The following ASPRV1 variants were observed in gnomAD, a reference collection of about 807,000 sequenced individuals.
ASPRV1 encodes retroviral-like aspartic protease 1.
ASPRV1 carries 7 observed loss-of-function variants against 11.0 expected under a neutral mutation model. The observed-to-expected ratio is 0.64, with a 90% CI of 0.36 to 1.20. The LOEUF (loss-of-function observed/expected upper bound fraction) is 1.20, where lower values mean the gene tolerates loss of function less well. ASPRV1 is among the 50% of genes most tolerant of loss of function. The pLI, the probability that ASPRV1 is intolerant of heterozygous loss-of-function variation, is 0.02. For synonymous variants in ASPRV1, 136 were observed against 138.4 expected (o/e 0.98, Z 0.12); for missense variants, 299 against 320.0 (o/e 0.93, Z 0.50).
chr2:70,075,880 T>C, the ASPRV1 span, among the ~76,000 whole-genome samples: 2 of 151,142 alleles, frequency 1.3e-5, no homozygotes, highest in African/African-American at 4.9e-5. Flanking sequence ...ATTCTCAATG[T>C]GTATGCTGTT....
At chr2:69,936,312 A>G in the ASPRV1 span, among the ~76,000 whole-genome samples, 2 of 151,952 alleles carry the variant, frequency 1.3e-5, no homozygotes, top group African/African-American at 4.8e-5. Context: ...TGTTGTCTCA[A>G]TCCTTAGACT....
At chr2:70,039,258 C>T in the ASPRV1 span, among the ~76,000 whole-genome samples, 6 of 152,146 alleles carry the variant, frequency 3.9e-5, no homozygotes, top group Non-Finnish European at 8.8e-5. Flanking sequence ...ATAAAGTCTG[C>T]AACGCATATA....
the ASPRV1 span, among the ~76,000 whole-genome samples, chr2:69,978,087 G>A: frequency 6.6e-6 from 1 of 152,220 alleles, no homozygotes; most frequent in Non-Finnish European, 1.5e-5. Context: ...TTGCACAAAT[G>A]CAACTGGCCA....
At chr2:70,049,609 A>C in the ASPRV1 span, 4 of 152,192 alleles carry the variant, frequency 2.6e-5, no homozygotes, top group African/African-American at 9.6e-5. Context: ...TTGTTTTTTG[A>C]ACAACATAGA....
the ASPRV1 span, among the ~76,000 whole-genome samples, chr2:69,999,611 G>A: frequency 2.1e-5 from 3 of 144,518 alleles, no homozygotes; most frequent in Non-Finnish European, 1.5e-5. Flanking sequence ...AGCTGAAATC[G>A]TGCCACTGCA....
the ASPRV1 span, among the ~76,000 whole-genome samples, chr2:69,975,013 A>G: frequency 6.6e-6 from 1 of 152,190 alleles, no homozygotes; most frequent in Non-Finnish European, 1.5e-5. Flanking sequence ...GGGGTCCCAG[A>G]GCCGACTGTG....
the ASPRV1 span, among the ~76,000 whole-genome samples, chr2:69,948,433 C>T: frequency 6.6e-6 from 1 of 152,344 alleles, no homozygotes; most frequent in South Asian, 2.1e-4. Flanking sequence ...GTATGGATGG[C>T]ACATTCTCTA....
chr2:69,955,185 TCTC>T (rs1388778215), downstream of ASPRV1, among the ~76,000 whole-genome samples: 1 of 152,148 alleles, frequency 6.6e-6, no homozygotes, highest in African/African-American at 2.4e-5. Context: ...TGCCCCAGTA[TCTC>T]CTCAGTGTAG....
the ASPRV1 span, chr2:70,015,815 T>C: frequency 6.6e-6 from 1 of 152,028 alleles, no homozygotes; most frequent in Admixed American, 6.6e-5. Context: ...ATACAAAAAT[T>C]AGCTGGACAT....
At chr2:69,963,750 T>C (rs1251308487), upstream of ASPRV1, among the ~76,000 whole-genome samples, 1 of 152,148 alleles carries the variant, frequency 6.6e-6, no homozygotes, top group African/African-American at 2.4e-5. Context: ...ATGAGGAGTA[T>C]AACAACCTGG....
the ASPRV1 span, among the ~76,000 whole-genome samples, chr2:70,041,475 A>C: frequency 6.6e-6 from 1 of 152,378 alleles, no homozygotes. Flanking sequence ...AGGATTGAAA[A>C]AAAAATTATA....
chr2:69,945,886 C>A, the ASPRV1 span, among the ~76,000 whole-genome samples: 95 of 152,228 alleles, frequency 6.2e-4, no homozygotes, highest in Non-Finnish European at 6.8e-4. Flanking sequence ...TGCCTGGGGG[C>A]AGAGGTGAGG....
At chr2:70,053,040 T>A in the ASPRV1 span, among the ~76,000 whole-genome samples, 1 of 152,112 alleles carries the variant, frequency 6.6e-6, no homozygotes, top group Non-Finnish European at 1.5e-5. Context: ...CCTGTACTCA[T>A]AAGCTATCCT....
chr2:70,018,731 A>G, the ASPRV1 span, among the ~76,000 whole-genome samples: 1 of 152,250 alleles, frequency 6.6e-6, no homozygotes, highest in Non-Finnish European at 1.5e-5. Flanking sequence ...ATACAGAAGA[A>G]TGAAATTAGA....
the ASPRV1 span, chr2:69,975,575 A>C: frequency 6.6e-6 from 1 of 152,304 alleles, no homozygotes; most frequent in Non-Finnish European, 1.5e-5. Context: ...AGAGAGGCGA[A>C]GTCCATGGGT....
chr2:69,944,195 T>C, the ASPRV1 span, among the ~76,000 whole-genome samples: 1 of 152,232 alleles, frequency 6.6e-6, no homozygotes, highest in Non-Finnish European at 1.5e-5. Context: ...TTTACTGTGG[T>C]TGCGGAGAGG....
At chr2:70,008,181 CTA>C in the ASPRV1 span, among the ~76,000 whole-genome samples, 1 of 151,722 alleles carries the variant, frequency 6.6e-6, no homozygotes, top group African/African-American at 2.4e-5. Context: ...TGAGATAAAT[CTA>C]TCTCATTCAT....
At chr2:69,967,020 C>A in the ASPRV1 span, among the ~76,000 whole-genome samples, 1 of 152,216 alleles carries the variant, frequency 6.6e-6, no homozygotes, top group Non-Finnish European at 1.5e-5. Flanking sequence ...CATCCACACA[C>A]ATGTATTGAG....
chr2:70,034,308 C>T, the ASPRV1 span, among the ~76,000 whole-genome samples: 5 of 151,782 alleles, frequency 3.3e-5, no homozygotes, highest in Non-Finnish European at 7.4e-5. Context: ...GCAAACCCTG[C>T]CTATAATCCC....
Sources: gnomAD v4.1 joint callset for allele counts (sites outside exome capture counted in the v4.1 genomes callset) on GRCh38, gnomAD v4.1.1 for gene constraint, MANE v1.5 for transcripts, NCBI Gene and HGNC (gene_info 2026-07-23, HGNC 2026-07-21) for gene names.